TINAGL1: variants seen among roughly 807,000 people sequenced by gnomAD.
The protein encoded by TINAGL1 is tubulointerstitial nephritis antigen-like.
In TINAGL1, 34 loss-of-function variants were observed where a neutral mutation model predicts 62.0. The ratio of observed to expected loss-of-function variants is 0.55; its 90% CI spans 0.42 to 0.73. TINAGL1 has a LOEUF of 0.73. TINAGL1 is among the 30% of genes least tolerant of loss of function. TINAGL1 has a pLI of 0.00. For synonymous variants in TINAGL1, 221 were observed against 249.7 expected (o/e 0.88, Z 1.08); for missense variants, 516 against 653.2 (o/e 0.79, Z 2.29).
intron 2 of TINAGL1, among the ~76,000 whole-genome samples, chr1:31,578,638 T>C (rs113562028): frequency 1.1e-4 from 14 of 132,840 alleles, no homozygotes; most frequent in East Asian, 2.5e-4. Context: ...TCAGTTATAG[T>C]TTAATTTCAG....
Position 31,576,955 on chromosome 1 carries a change from C to A in TINAGL1, c.-15-179C>A. 1 of 573,582 alleles carries A rather than the reference C, an allele frequency of 1.7e-6. No individual in the cohort carries two copies. The allele number at this position is 573,582 out of a possible 1,614,324, so 35.5% of individuals were successfully genotyped here. The stretch of plus-strand genomic sequence containing the variant: ...AGGGGCTCCGTTTCTGCCCAGTCCC[C>A]ATCCCCCTATAGCCAGGGCCCACAC... On this transcript the variant is annotated intron_variant, in intron 1 of 11. Transcript: ENST00000271064. The surrounding 1 kb of genome is among the most constrained non-coding windows in gnomAD (Gnocchi z 5.1).
rs71006315 is a variant in TINAGL1, at chr1:31,580,199, C to CTCTCTCTCTCTG, written c.374+943_374+944insGTCTCTCTCTCT. The stretch of plus-strand genomic sequence containing the variant: ...TCTCTCTCTCTCTCTCTCTCTCTCT[C>CTCTCTCTCTCTG]TCTCTCTCTCTCTGTCTCTCTCTCT... On this transcript the variant is annotated intron_variant, in intron 3 of 11. Coordinates refer to ENST00000271064, the MANE Select transcript of TINAGL1 (RefSeq NM_022164.3). 2,818 of 444,106 alleles carry CTCTCTCTCTCTG rather than the reference C, an allele frequency of 6.3e-3. 26 individuals carry two copies. The highest frequency in any genetic ancestry group is 0.03 in the Admixed American group (317 of 10,422). The allele number at this position is 444,106 out of a possible 1,614,324, so 27.5% of individuals were successfully genotyped here.
chr1:31,586,965 A>C lies in TINAGL1; in HGVS notation c.1390A>C (p.Met464Leu), dbSNP rs759862508. The C allele has an allele frequency of 6.6e-7, 1 of 1,521,132 alleles. No individual in the cohort carries two copies. The highest frequency in any genetic ancestry group is 2.3e-5 in the East Asian group (1 of 43,186). 94.2% of individuals were successfully genotyped at this position (1,521,132 alleles called of 1,614,324 possible). The change falls in exon 12 of 12, where the codon ATG (methionine) becomes CTG (leucine). Residue 464 changes from methionine to leucine, a missense_variant. By Grantham distance (15) the Met-to-Leu change is conservative (BLOSUM62 2). Coordinates refer to ENST00000271064, the MANE Select transcript of TINAGL1 (RefSeq NM_022164.3). Reference sequence around the variant, plus strand: ...CTGGGGCCGCGTGGGCATGGAGGACATGGGTCATCACTGAGGCTGCGGGCA... The same window carrying C: ...CTGGGGCCGCGTGGGCATGGAGGACCTGGGTCATCACTGAGGCTGCGGGCA... The part of the protein sequence containing the change: ...GVWGRVGMED[M>L]GHH
rs1638949556 is a variant in TINAGL1, at chr1:31,576,528, C to CG, written c.-81dup. On this transcript the variant is annotated 5_prime_UTR_variant, in exon 1 of 12. Coordinates refer to ENST00000271064, the MANE Select transcript of TINAGL1 (RefSeq NM_022164.3). This position sits in a 1 kb window ranked among gnomAD's most constrained non-coding sequence, Gnocchi z 5.1. The stretch of plus-strand genomic sequence containing the variant: ...CGCTCCTCTCTTGACTTTGAGCGTC[C>CG]GGCGGTCGCAGAGCCAGGAGGCGGA... 6.6e-6 allele frequency: 1 copy of CG among 152,256 alleles called. No individual in the cohort carries two copies. The highest frequency in any genetic ancestry group is 2.1e-4 in the South Asian group (1 of 4,834). The allele number at this position is 152,256 out of a possible 1,614,324, so 9.4% of individuals were successfully genotyped here. A position where few individuals can be genotyped will look rare whatever the true frequency, so the allele number is the denominator to read the frequency against.
In TINAGL1 at chr1:31,583,693, G is replaced by A; in HGVS notation, c.582+118G>A. On this transcript the variant is annotated intron_variant, in intron 5 of 11. Coordinates refer to ENST00000271064, the MANE Select transcript of TINAGL1 (RefSeq NM_022164.3). The surrounding 1 kb of genome is among the most constrained non-coding windows in gnomAD (Gnocchi z 4.4). The stretch of plus-strand genomic sequence containing the variant: ...ACCATCCCCTACTACAAGGCTGTGT[G>A]TCCCTGGACAAGTTACTCCCCTTCT... The A allele has an allele frequency of 1.2e-6, 1 of 855,740 alleles. No individual in the cohort carries two copies. The highest frequency in any genetic ancestry group is 1.8e-6 in the Non-Finnish European group (1 of 543,932). The allele number at this position is 855,740 out of a possible 1,614,324, so 53.0% of individuals were successfully genotyped here. A position where few individuals can be genotyped will look rare whatever the true frequency, so the allele number is the denominator to read the frequency against.
chr1:31,578,063 A>G (rs768095982), intron 2 of TINAGL1: 95 of 757,116 alleles, frequency 1.3e-4, no homozygotes, highest in Non-Finnish European at 1.5e-4. Context: ...TGCTCCTCCC[A>G]CTCCCCATCT....
chr1:31,577,588 C>T lies in TINAGL1; in HGVS notation c.310+130C>T, dbSNP rs375159284. ...CTGTAGAATCTGGGACTCTTCCCTGCCCCTCTGGGAACTTTACTCTCCAGC... is the reference window on the plus strand; with the variant it reads ...CTGTAGAATCTGGGACTCTTCCCTGTCCCTCTGGGAACTTTACTCTCCAGC... On this transcript the variant is annotated intron_variant, in intron 2 of 11. Coordinates refer to ENST00000271064, the MANE Select transcript of TINAGL1 (RefSeq NM_022164.3). The surrounding 1 kb of genome is among the most constrained non-coding windows in gnomAD (Gnocchi z 5.4). 11 of 1,031,826 alleles carry T rather than the reference C, an allele frequency of 1.1e-5. No individual in the cohort carries two copies. In the African/African-American group the frequency reaches 1.3e-4, roughly 12 times the overall value. The allele number at this position is 1,031,826 out of a possible 1,614,324, so 63.9% of individuals were successfully genotyped here.
chr1:31,582,207 A>C (rs1035804369), intron 3 of TINAGL1, among the ~76,000 whole-genome samples: 3 of 152,146 alleles, frequency 2.0e-5, no homozygotes, highest in Admixed American at 2.0e-4. Context: ...GTGCACTTGT[A>C]GTCTCAGCTA....
In TINAGL1 at chr1:31,580,605, C is replaced by T. The variant is rs370193030; in HGVS notation, c.374+1338C>T. 957 of 1,289,388 alleles carry T rather than the reference C, an allele frequency of 7.4e-4. 7 individuals carry two copies. Among genetic ancestry groups the T allele is most frequent in the East Asian group, 3.0e-3 (54 of 18,024 alleles). 79.9% of individuals were successfully genotyped at this position (1,289,388 alleles called of 1,614,324 possible). The stretch of plus-strand genomic sequence containing the variant: ...GCCCTCCCCAGCAGTGCCCCCGCCT[C>T]TCCTGGGGCTGGAAAGCCCAGCCAT... On this transcript the variant is annotated intron_variant, in intron 3 of 11. Transcript: ENST00000271064.
rs375784700 is a variant in TINAGL1, at chr1:31,579,222, G to A, written c.329G>A (p.Arg110His). ...PPIQGCMHGG[R>H]IYPVLGTYWD... ...CCAACAGGATGTATGCATGGAGGTC[G>A]TATCTATCCAGTCTTGGGAACGTAC... The change falls in exon 3 of 12, where the codon CGT becomes CAT. Residue 110 changes from arginine (R) to histidine (H), a missense_variant. Coordinates refer to ENST00000271064, the MANE Select transcript of TINAGL1 (RefSeq NM_022164.3). 11 of 1,613,830 alleles carry A rather than the reference G, an allele frequency of 6.8e-6. No homozygotes were observed. The highest frequency in any genetic ancestry group is 4.0e-5 in the African/African-American group (3 of 74,904).
chr1:31,580,842 A>G, intron 3 of TINAGL1: 1 of 1,150,142 alleles, frequency 8.7e-7, no homozygotes, highest in Non-Finnish European at 1.1e-6. Context: ...CAGGAGATGG[A>G]GCGGGAATGC....
At position 31,586,930 on chromosome 1, in the gene TINAGL1, T is replaced by C. The variant is rs769355982; in HGVS notation, c.1355T>C (p.Val452Ala). ...GVNECDIESFVLGVWGRVGME... is the reference protein window; with the variant it reads ...GVNECDIESFALGVWGRVGME... ...AATGAGTGCGACATCGAGAGCTTCGTGCTGGGCGTCTGGGGCCGCGTGGGC... is the reference window on the plus strand; with the variant it reads ...AATGAGTGCGACATCGAGAGCTTCGCGCTGGGCGTCTGGGGCCGCGTGGGC... The change falls in exon 12 of 12, where the codon GTG becomes GCG. Residue 452 changes from valine to alanine, a missense_variant. Val to Ala is a moderately conservative substitution (Grantham distance 64, BLOSUM62 0). Coordinates refer to ENST00000271064, the MANE Select transcript of TINAGL1 (RefSeq NM_022164.3). The C allele has an allele frequency of 2.0e-6, 3 of 1,538,006 alleles. No homozygotes were observed. Among genetic ancestry groups the C allele is most frequent in the Non-Finnish European group, 2.6e-6 (3 of 1,145,722 alleles).
Position 31,585,591 on chromosome 1 carries a change from G to A in TINAGL1, c.1093+106G>A. 1 of 1,552,550 alleles carries A rather than the reference G, an allele frequency of 6.4e-7. No homozygotes were observed. The highest frequency in any genetic ancestry group is 8.7e-7 in the Non-Finnish European group (1 of 1,144,032). ...CAGCATTCAGCAGCATGTCCAGTAG[G>A]GCCAGGAGTAGGGGTCCCCCCCTCC... On this transcript the variant is annotated intron_variant, in intron 9 of 11. Coordinates refer to ENST00000271064, the MANE Select transcript of TINAGL1 (RefSeq NM_022164.3). This position sits in a 1 kb window ranked among gnomAD's most constrained non-coding sequence, Gnocchi z 4.3.
At position 31,577,099 on chromosome 1, in the gene TINAGL1, G is replaced by T; in HGVS notation, c.-15-35G>T. On this transcript the variant is annotated intron_variant, in intron 1 of 11. Coordinates refer to ENST00000271064, the MANE Select transcript of TINAGL1 (RefSeq NM_022164.3). The surrounding 1 kb of genome is among the most constrained non-coding windows in gnomAD (Gnocchi z 5.4). ...TGGGAGACTCATCCCTGGTGTTCCA[G>T]GGAGTCTCTGCTGCCCACCATCTCT... 1 of 1,427,322 alleles carries T rather than the reference G, an allele frequency of 7.0e-7. No homozygotes were observed. Among genetic ancestry groups the T allele is most frequent in the South Asian group, 1.5e-5 (1 of 68,106 alleles). The allele number at this position is 1,427,322 out of a possible 1,614,324, so 88.4% of individuals were successfully genotyped here.
At position 31,577,542 on chromosome 1, in the gene TINAGL1, C is replaced by G. The variant is rs2148583707; in HGVS notation, c.310+84C>G. The G allele has an allele frequency of 1.4e-6, 2 of 1,417,626 alleles. No individual in the cohort carries two copies. Among genetic ancestry groups the G allele is most frequent in the Middle Eastern group, 3.8e-4 (2 of 5,288 alleles). The allele number at this position is 1,417,626 out of a possible 1,614,324, so 87.8% of individuals were successfully genotyped here. ...CTCAAGAGCAAAGCTGATGGATGCACTGACATTTCCAGGGGAAGCTCTGTA... is the reference window on the plus strand; with the variant it reads ...CTCAAGAGCAAAGCTGATGGATGCAGTGACATTTCCAGGGGAAGCTCTGTA... On this transcript the variant is annotated intron_variant, in intron 2 of 11. Transcript: ENST00000271064. The surrounding 1 kb of genome is among the most constrained non-coding windows in gnomAD (Gnocchi z 5.4).
chr1:31,580,613 G>A (rs1172764739), intron 3 of TINAGL1: 3 of 1,289,388 alleles, frequency 2.3e-6, no homozygotes, highest in Non-Finnish European at 3.0e-6. Context: ...CTCTCCTGGG[G>A]CTGGAAAGCC....
At position 31,577,145 on chromosome 1, in the gene TINAGL1, C is replaced by T. The variant is rs1010655238; in HGVS notation, c.-4C>T. The T allele has an allele frequency of 1.3e-6, 2 of 1,509,256 alleles. No homozygotes were observed. The highest frequency in any genetic ancestry group is 1.8e-6 in the Non-Finnish European group (2 of 1,133,326). The allele number at this position is 1,509,256 out of a possible 1,614,324, so 93.5% of individuals were successfully genotyped here. ...TCTCTGCCCCCCAGGGCCCAGGAGC[C>T]ACCATGTGGCGATGTCCACTGGGGC... On this transcript the variant is annotated 5_prime_UTR_variant, in exon 2 of 12. Coordinates refer to ENST00000271064, the MANE Select transcript of TINAGL1 (RefSeq NM_022164.3). The surrounding 1 kb of genome is among the most constrained non-coding windows in gnomAD (Gnocchi z 5.4).
Position 31,577,826 on chromosome 1 carries a change from C to G in TINAGL1, c.310+368C>G, listed in dbSNP as rs553844603. 5.5e-4 allele frequency: 116 copies of G among 210,878 alleles called. 2 individuals carry two copies. The Middle Eastern group carries it at 0.011, about 20-fold the overall frequency. The allele number at this position is 210,878 out of a possible 1,614,324, so 13.1% of individuals were successfully genotyped here. ...CTGAGGATTCTAGGATCCTGTGCCC[C>G]GAGATGGCTGCTCATACCTGGGAGA... is the stretch of plus-strand genomic sequence containing the variant. On this transcript the variant is annotated intron_variant, in intron 2 of 11. Coordinates refer to ENST00000271064, the MANE Select transcript of TINAGL1 (RefSeq NM_022164.3). This position sits in a 1 kb window ranked among gnomAD's most constrained non-coding sequence, Gnocchi z 5.4.
rs1639024263 is a variant in TINAGL1 at position 31,577,616 on chromosome 1, G to A, written c.310+158G>A. The A allele has an allele frequency of 1.3e-6, 1 of 787,460 alleles. No homozygotes were observed. Among genetic ancestry groups the A allele is most frequent in the Non-Finnish European group, 2.0e-6 (1 of 512,514 alleles). The allele number at this position is 787,460 out of a possible 1,614,324, so 48.8% of individuals were successfully genotyped here. ...CTCTGGGAACTTTACTCTCCAGCAA[G>A]ACTGAAGAAGCTCCTTGGTTAGAAT... On this transcript the variant is annotated intron_variant, in intron 2 of 11. Transcript: ENST00000271064. This position sits in a 1 kb window ranked among gnomAD's most constrained non-coding sequence, Gnocchi z 5.4.
Sources: gnomAD v4.1 joint callset for allele counts (sites outside exome capture counted in the v4.1 genomes callset) on GRCh38, gnomAD v4.1.1 for gene constraint, Gnocchi (gnomAD v3.1) non-coding constraint, MANE v1.5 for transcripts, NCBI Gene and HGNC (gene_info 2026-07-23, HGNC 2026-07-21) for gene names.